PHAX: variants seen among roughly 807,000 people sequenced by gnomAD.
PHAX encodes phosphorylated adaptor for RNA export.
Under a neutral mutation model 41.6 loss-of-function variants are expected in PHAX, and 31 were observed. The observed-to-expected ratio is 0.75, with a 90% CI of 0.56 to 1.01. The LOEUF is 1.01. PHAX is among the 50% of genes least tolerant of loss of function. The pLI, the probability that PHAX is intolerant of heterozygous loss-of-function variation, is 0.00. For synonymous variants in PHAX, 175 were observed against 164.9 expected (o/e 1.06, Z -0.47); for missense variants, 453 against 472.9 (o/e 0.96, Z 0.39).
At chr5:126,616,335 A>G (rs1752183547) in intron 3 of PHAX, among the ~76,000 whole-genome samples, 1 of 152,122 alleles carries the variant, frequency 6.6e-6, no homozygotes, top group South Asian at 2.1e-4. Context: ...ACCTCAGGTG[A>G]TCCACCCGCC....
At chr5:126,616,978 T>A (rs1752195986) in intron 3 of PHAX, among the ~76,000 whole-genome samples, 1 of 152,126 alleles carries the variant, frequency 6.6e-6, no homozygotes, top group South Asian at 2.1e-4. Context: ...CTGAGTGGCC[T>A]ATTTCTCTTT....
chr5:126,602,317 G>A (rs1384254989), intron 1 of PHAX, among the ~76,000 whole-genome samples: 1 of 152,246 alleles, frequency 6.6e-6, no homozygotes, highest in Non-Finnish European at 1.5e-5. Context: ...TTGAGAGGGC[G>A]TTGGTGCCAG....
rs1367197358 is a variant in PHAX, at chr5:126,627,188, G to A, written c.*2344G>A. The A allele has an allele frequency of 6.6e-6, 1 of 152,128 alleles. No individual in the cohort carries two copies. Among genetic ancestry groups the A allele is most frequent in the Non-Finnish European group, 1.5e-5 (1 of 68,028 alleles). 9.4% of individuals were successfully genotyped at this position (152,128 alleles called of 1,614,324 possible). On this transcript the variant is annotated 3_prime_UTR_variant, in exon 5 of 5. Coordinates refer to ENST00000297540, the MANE Select transcript of PHAX (RefSeq NM_032177.4). ...TTGAAGTTGGATCTAAGAGGAAAGTGGTTATCGGTTGCTTTTTATTTATAA... is the reference window on the plus strand; with the variant it reads ...TTGAAGTTGGATCTAAGAGGAAAGTAGTTATCGGTTGCTTTTTATTTATAA...
At chr5:126,610,206 A>T (rs2112832343) in intron 3 of PHAX, among the ~76,000 whole-genome samples, 1 of 152,358 alleles carries the variant, frequency 6.6e-6, no homozygotes, top group African/African-American at 2.4e-5. Flanking sequence ...GAAGCTCTTT[A>T]CTGTTTCAGA....
intron 3 of PHAX, among the ~76,000 whole-genome samples, chr5:126,612,496 T>A (rs914932185): frequency 1.4e-4 from 21 of 152,068 alleles, no homozygotes; most frequent in South Asian, 4.2e-4. Context: ...GGTCAGGAGT[T>A]GAGACCAGCC....
rs371371221 is a variant in PHAX at position 126,624,872 on chromosome 5, G to A, written c.*28G>A. On this transcript the variant is annotated 3_prime_UTR_variant, in exon 5 of 5. Coordinates refer to ENST00000297540, the MANE Select transcript of PHAX (RefSeq NM_032177.4). ...ACATTTTCAACAGTTTGAGGACTAAGCCTTTCTAAAATAACATTGTAATAA... is the reference window on the plus strand; with the variant it reads ...ACATTTTCAACAGTTTGAGGACTAAACCTTTCTAAAATAACATTGTAATAA... 9 of 1,565,150 alleles carry A rather than the reference G, an allele frequency of 5.8e-6. No individual in the cohort carries two copies. The African/African-American group carries it at 1.2e-4, about 22-fold the overall frequency.
intron 3 of PHAX, among the ~76,000 whole-genome samples, chr5:126,616,637 T>G (rs1328443356): frequency 6.6e-6 from 1 of 152,100 alleles, no homozygotes; most frequent in Non-Finnish European, 1.5e-5. Flanking sequence ...CCTAGCACTT[T>G]GTGAGGCTGA....
In PHAX at chr5:126,617,344, T is replaced by G. The variant is rs1200268125; in HGVS notation, c.915+11T>G. ...GAGGAACAAATTAAGGTAATGATAA[T>G]GTCCTCACCTCTTAAGCGCCATCAT... On this transcript the variant is annotated intron_variant, in intron 4 of 4. Coordinates refer to ENST00000297540, the MANE Select transcript of PHAX (RefSeq NM_032177.4). 4 of 1,521,804 alleles carry G rather than the reference T, an allele frequency of 2.6e-6. No homozygotes were observed. The highest frequency in any genetic ancestry group is 3.6e-6 in the Non-Finnish European group (4 of 1,098,802). 94.3% of individuals were successfully genotyped at this position (1,521,804 alleles called of 1,614,324 possible). A position where few individuals can be genotyped will look rare whatever the true frequency, so the allele number is the denominator to read the frequency against.
chr5:126,621,520 A>T (rs1428043568), intron 4 of PHAX, among the ~76,000 whole-genome samples: 1 of 152,118 alleles, frequency 6.6e-6, no homozygotes, highest in Non-Finnish European at 1.5e-5. Flanking sequence ...TTTATTTCAG[A>T]TGCCACCTAA....
At position 126,608,371 on chromosome 5, in the gene PHAX, G is replaced by A. The variant is rs1279033120; in HGVS notation, c.718G>A (p.Glu240Lys). The change falls in exon 3 of 5, where the codon GAA becomes AAA. Residue 240 changes from glutamate to lysine, a missense_variant. Glu to Lys is a moderately conservative substitution (Grantham distance 56, BLOSUM62 1). Coordinates refer to ENST00000297540, the MANE Select transcript of PHAX (RefSeq NM_032177.4). ...TTACTTGTTTCTCATCAGGTTACAG[G>A]AACCAAAGAAAGACCTGATAGCCCG... Reference protein sequence around the residue: ...VADEISFRLQEPKKDLIARVV... With the variant: ...VADEISFRLQKPKKDLIARVV... 1.9e-6 allele frequency: 3 copies of A among 1,613,342 alleles called. No individual in the cohort carries two copies. The highest frequency in any genetic ancestry group is 2.5e-6 in the Non-Finnish European group (3 of 1,179,626).
At chr5:126,608,202 G>T (rs1329264987) in intron 2 of PHAX, among the ~76,000 whole-genome samples, 162 bp from the exon 3 acceptor site, 1 of 152,138 alleles carries the variant, frequency 6.6e-6, no homozygotes, top group Admixed American at 6.5e-5. Context: ...TGTGACCCAA[G>T]ATTAGGAATA....
intron 4 of PHAX, among the ~76,000 whole-genome samples, chr5:126,623,605 T>G (rs1179882405): frequency 2.0e-5 from 3 of 152,188 alleles, no homozygotes; most frequent in Admixed American, 6.6e-5. Flanking sequence ...AATACTTTTC[T>G]TATTTCTCTT....
At chr5:126,610,342 G>GT (rs1752075543) in intron 3 of PHAX, among the ~76,000 whole-genome samples, 1 of 152,136 alleles carries the variant, frequency 6.6e-6, no homozygotes, top group African/African-American at 2.4e-5. Flanking sequence ...TGACTTCCTT[G>GT]TTTTTTGTTA....
chr5:126,620,375 T>C (rs1243272738), intron 4 of PHAX, among the ~76,000 whole-genome samples: 1 of 152,170 alleles, frequency 6.6e-6, no homozygotes, highest in African/African-American at 2.4e-5. Context: ...CTTGGACAAA[T>C]AATATTCTCA....
At chr5:126,617,192 G>A in intron 3 of PHAX, 58 bp from the exon 4 acceptor site, 1 of 1,029,916 alleles carries the variant, frequency 9.7e-7, no homozygotes, top group Admixed American at 1.9e-5. Context: ...GTTAAAAGAT[G>A]CCTTGACCAT....
chr5:126,613,119 C>T (rs1179821968), intron 3 of PHAX, among the ~76,000 whole-genome samples: 6 of 152,132 alleles, frequency 3.9e-5, no homozygotes, highest in South Asian at 4.1e-4. Context: ...GAGGCTGAGA[C>T]GGGCATATCA....
chr5:126,608,349 C>G lies in PHAX; in HGVS notation c.711-15C>G. 1 of 1,609,754 alleles carries G rather than the reference C, an allele frequency of 6.2e-7. No individual in the cohort carries two copies. The highest frequency in any genetic ancestry group is 8.5e-7 in the Non-Finnish European group (1 of 1,178,044). On this transcript the variant is annotated splice_polypyrimidine_tract_variant and intron_variant, in intron 2 of 4. Coordinates refer to ENST00000297540, the MANE Select transcript of PHAX (RefSeq NM_032177.4). ...ACAACAAACAAAGAGGATAATTTTA[C>G]TTGTTTCTCATCAGGTTACAGGAAC... is the stretch of plus-strand genomic sequence containing the variant.
intron 3 of PHAX, among the ~76,000 whole-genome samples, chr5:126,611,661 CAT>C (rs1045654898): frequency 1.2e-4 from 18 of 151,830 alleles, no homozygotes; most frequent in Admixed American, 2.0e-4. Context: ...CTTGGTGGCA[CAT>C]GTGTTTAGTC....
chr5:126,608,773 C>A (rs946742772), intron 3 of PHAX, among the ~76,000 whole-genome samples: 2 of 151,774 alleles, frequency 1.3e-5, no homozygotes, highest in African/African-American at 4.8e-5. Flanking sequence ...CCTGTCTCTA[C>A]TAAAAATACA....
Sources: allele counts gnomAD v4.1 joint callset (sites outside exome capture counted in the v4.1 genomes callset), GRCh38; gene constraint gnomAD v4.1.1; transcripts MANE v1.5; gene names NCBI Gene and HGNC (gene_info 2026-07-23, HGNC 2026-07-21).